GGT1: variants seen among roughly 807,000 people sequenced by gnomAD.
The protein encoded by GGT1 is gamma-glutamyltransferase 1.
GGT1 carries 21 observed loss-of-function variants against 56.0 expected under a neutral mutation model. That is an observed-to-expected ratio of 0.38 (90% CI 0.27 to 0.54). The LOEUF is 0.54. Ranked by LOEUF, GGT1 falls within the 20% of genes least tolerant of loss-of-function variation. The pLI, the probability that GGT1 is intolerant of heterozygous loss-of-function variation, is 0.82. For synonymous variants in GGT1, 238 were observed against 342.6 expected (o/e 0.69, Z 3.37); for missense variants, 466 against 787.0 (o/e 0.59, Z 4.88).
chr22:24,605,447 ATGTG>A (rs1416463309), intron 1 of GGT1, among the ~76,000 whole-genome samples: 859 of 78,334 alleles, frequency 0.011, 341 homozygotes, highest in African/African-American at 0.05. Context: ...ACAATATATA[ATGTG>A]TATTATATAT....
At chr22:24,622,330 CGA>C (rs948290434) in intron 9 of GGT1, among the ~76,000 whole-genome samples, 4 of 152,218 alleles carry the variant, frequency 2.6e-5, no homozygotes, top group Admixed American at 2.6e-4. Flanking sequence ...TTTGAGAGGC[CGA>C]GGCGTGTGGA....
rs1008049416 is a variant in GGT1, at chr22:24,627,864, G to A, written c.1221G>A (p.Lys407=). 6.2e-7 allele frequency: 1 copy of A among 1,613,584 alleles called. No homozygotes were observed. The highest frequency in any genetic ancestry group is 8.5e-7 in the Non-Finnish European group (1 of 1,179,654). ...TSTINLYFGS[K]VRSPVSGILF... is the part of the protein sequence containing the mutation. ...GGCTGGGCGGTAGCTTTGGCTCCAA[G>A]GTCCGCTCCCCGGTCAGCGGGATCC... Residue 407 remains lysine (K), a synonymous_variant, in exon 13 of 16, where the codon AAG becomes AAA. Transcript: ENST00000400382.
At chr22:24,585,355 G>A in the GGT1 span, among the ~76,000 whole-genome samples, 3 of 152,118 alleles carry the variant, frequency 2.0e-5, no homozygotes, top group Non-Finnish European at 4.4e-5. Context: ...TGGGGCTCCC[G>A]ACCCGCTCCT....
At chr22:24,586,342 C>A in the GGT1 span, 1 of 1,613,914 alleles carries the variant, frequency 6.2e-7, no homozygotes, top group South Asian at 1.1e-5. Flanking sequence ...CGTCCTGTGT[C>A]GACAGCGGGA....
At chr22:24,605,051 T>TATATATAAAATGTAA (rs1220658205) in intron 1 of GGT1, among the ~76,000 whole-genome samples, 3 of 60,248 alleles carry the variant, frequency 5.0e-5, no homozygotes, top group Non-Finnish European at 8.8e-5. Flanking sequence ...ATGTAATATA[T>TATATATAAAATGTAA]TATATATTAT....
the GGT1 span, chr22:24,588,883 C>A: frequency 9.9e-7 from 1 of 1,006,822 alleles, no homozygotes; most frequent in Non-Finnish European, 1.2e-6. Context: ...TCTCTCAGTC[C>A]TAACTGGGCT....
intron 5 of GGT1, among the ~76,000 whole-genome samples, chr22:24,611,588 ATCTATCTATCTACTAT>A (rs1244609034): frequency 8.5e-5 from 11 of 128,778 alleles, no homozygotes; most frequent in East Asian, 2.3e-4. Flanking sequence ...CTATCTATCT[ATCTATCTATCTACTAT>A]CTATCTATCT....
upstream of GGT1, chr22:24,592,860 C>T: frequency 7.8e-7 from 1 of 1,280,652 alleles, no homozygotes. Context: ...CTCCTTCTCT[C>T]GCCTGGCGCA....
intron 7 of GGT1, among the ~76,000 whole-genome samples, chr22:24,615,429 G>T (rs2047000017): frequency 6.6e-6 from 1 of 152,192 alleles, no homozygotes; most frequent in Non-Finnish European, 1.5e-5. Flanking sequence ...CCCACACTCT[G>T]CTCTGTGCTT....
At chr22:24,592,652 C>A, upstream of GGT1, 1 of 787,170 alleles carries the variant, frequency 1.3e-6, no homozygotes, top group African/African-American at 1.8e-5. Context: ...ACCCAGCCCT[C>A]ACTCCAGGCG....
chr22:24,624,479 C>A (rs1209279118), intron 11 of GGT1: 2 of 969,882 alleles, frequency 2.1e-6, no homozygotes, highest in African/African-American at 1.8e-5. Flanking sequence ...GCAGACCCCC[C>A]CACACTGACC....
rs557452419 is a variant in GGT1, at chr22:24,610,918, G to T, written c.-7-157G>T. ...TGGCAGAGGGCATGGCCTGCGCAAAGGTCTGGGGGCCGGACAGCCTGCACG... is the reference window on the plus strand; with the variant it reads ...TGGCAGAGGGCATGGCCTGCGCAAATGTCTGGGGGCCGGACAGCCTGCACG... On this transcript the variant is annotated intron_variant, in intron 4 of 15. Coordinates refer to ENST00000400382, the MANE Select transcript of GGT1 (RefSeq NM_001288833.2). Among the ~76,000 whole-genome samples the T allele has an allele frequency of 9.9e-5, 15 of 152,018 alleles. No individual in the cohort carries two copies. The South Asian group carries it at 3.1e-3, about 32-fold the overall frequency.
chr22:24,605,415 A>T (rs1361578567), intron 1 of GGT1, among the ~76,000 whole-genome samples: 1 of 85,156 alleles, frequency 1.2e-5, no homozygotes, highest in Admixed American at 2.2e-4. Flanking sequence ...AATATTATAT[A>T]ATATGTATTA....
chr22:24,605,059 T>G (rs9620400), intron 1 of GGT1, among the ~76,000 whole-genome samples: 1 of 56,392 alleles, frequency 1.8e-5, no homozygotes, highest in Non-Finnish European at 3.0e-5. Context: ...TATTATATAT[T>G]ATATGTAATA....
chr22:24,588,493 C>T, the GGT1 span: 1 of 760,002 alleles, frequency 1.3e-6, no homozygotes, highest in South Asian at 1.7e-5. Flanking sequence ...CCCAACCCGG[C>T]TGTGGCCTGG....
At chr22:24,598,758 G>T (rs1469784469), upstream of GGT1, among the ~76,000 whole-genome samples, 1 of 152,036 alleles carries the variant, frequency 6.6e-6, no homozygotes, top group Non-Finnish European at 1.5e-5. Flanking sequence ...TCTCTATTTT[G>T]CCCAGGCTGG....
upstream of GGT1, chr22:24,592,687 C>G (rs377091098): frequency 1.9e-3 from 2,264 of 1,179,240 alleles, 68 homozygotes; most frequent in South Asian, 0.035. Context: ...CACGCAAGAC[C>G]CCGCGTGCTG....
chr22:24,606,459 A>G (rs1009211949), intron 1 of GGT1, among the ~76,000 whole-genome samples: 2 of 152,076 alleles, frequency 1.3e-5, no homozygotes, highest in Non-Finnish European at 2.9e-5. Context: ...GTGGCTCTCC[A>G]CTTTAGACCC....
upstream of GGT1, among the ~76,000 whole-genome samples, chr22:24,600,514 C>A (rs1293235401): frequency 6.6e-6 from 1 of 152,206 alleles, no homozygotes; most frequent in Non-Finnish European, 1.5e-5. Flanking sequence ...TTCTGAAGGG[C>A]CCACGCACTT....
Sources: allele counts gnomAD v4.1 joint callset (sites outside exome capture counted in the v4.1 genomes callset), GRCh38; gene constraint gnomAD v4.1.1; transcripts MANE v1.5; gene names NCBI Gene and HGNC (gene_info 2026-07-23, HGNC 2026-07-21).